STXBP5L: variants seen among roughly 807,000 people sequenced by gnomAD.
STXBP5L encodes the protein syntaxin-binding protein 5-like.
In STXBP5L, 65 loss-of-function variants were observed where a neutral mutation model predicts 144.5. That is an observed-to-expected ratio of 0.45 (90% CI 0.37 to 0.55). The LOEUF is 0.55. Ranked by LOEUF, STXBP5L falls within the 20% of genes least tolerant of loss-of-function variation. The probability of loss-of-function intolerance (pLI) is 0.00; values close to 1 mark genes in which losing one functional copy is unlikely to be tolerated. For synonymous variants in STXBP5L, 505 were observed against 469.6 expected (o/e 1.08, Z -0.97); for missense variants, 1,298 against 1,405.5 (o/e 0.92, Z 1.22).
At chr3:121,316,325 G>T (rs1376751987) in intron 19 of STXBP5L, among the ~76,000 whole-genome samples, 3 of 152,184 alleles carry the variant, frequency 2.0e-5, no homozygotes, top group Non-Finnish European at 4.4e-5. Context: ...TAGGGAAAAT[G>T]ACAGAATCAA....
chr3:121,033,919 T>C (rs1244894583), intron 3 of STXBP5L, among the ~76,000 whole-genome samples: 3 of 152,120 alleles, frequency 2.0e-5, no homozygotes, highest in Non-Finnish European at 4.4e-5. Flanking sequence ...GATCTTGAAA[T>C]ATTTTAACTC....
chr3:120,994,539 AGAT>A (rs1313248100), intron 3 of STXBP5L, among the ~76,000 whole-genome samples: 5 of 152,114 alleles, frequency 3.3e-5, no homozygotes, highest in African/African-American at 7.2e-5. Flanking sequence ...TTCTCTGTTT[AGAT>A]GATCATATGA....
chr3:121,065,191 G>C (rs980017518), intron 5 of STXBP5L, among the ~76,000 whole-genome samples: 1 of 151,918 alleles, frequency 6.6e-6, no homozygotes. Flanking sequence ...GAATACTGCT[G>C]TACTAAACAT....
intron 2 of STXBP5L, among the ~76,000 whole-genome samples, chr3:120,948,842 T>C (rs368956051): frequency 6.6e-6 from 1 of 152,038 alleles, no homozygotes; most frequent in South Asian, 2.1e-4. Context: ...TTTTCTGCGA[T>C]TGGAAATTGT....
In STXBP5L at chr3:121,055,993, T is replaced by G. The variant is rs185824788; in HGVS notation, c.470+10458T>G. Among the ~76,000 whole-genome samples the G allele has an allele frequency of 3.3e-5, 5 of 151,946 alleles. No homozygotes were observed. The East Asian group carries it at 7.8e-4, about 24-fold the overall frequency. On this transcript the variant is annotated intron_variant, in intron 5 of 26. Transcript: ENST00000471454. Reference sequence around the variant, plus strand: ...GAGGCATGAGCCACTGTGCTTGGCCTGGGGTCTCACTGTGTTGCCTAGGCT... The same window carrying G: ...GAGGCATGAGCCACTGTGCTTGGCCGGGGGTCTCACTGTGTTGCCTAGGCT...
At chr3:121,192,460 G>C (rs912610139) in intron 9 of STXBP5L, among the ~76,000 whole-genome samples, 1 of 151,886 alleles carries the variant, frequency 6.6e-6, no homozygotes, top group Admixed American at 6.6e-5. Flanking sequence ...TCACAGAATT[G>C]GAAAACACTA....
At chr3:121,091,988 A>G (rs946227997) in intron 5 of STXBP5L, among the ~76,000 whole-genome samples, 3 of 152,086 alleles carry the variant, frequency 2.0e-5, no homozygotes, top group East Asian at 1.9e-4. Flanking sequence ...TCAGCTTTCT[A>G]CATATGGCTA....
chr3:121,303,284 T>C (rs1055874241), intron 19 of STXBP5L, among the ~76,000 whole-genome samples: 6 of 151,940 alleles, frequency 3.9e-5, no homozygotes, highest in East Asian at 1.9e-4. Flanking sequence ...AAAATGCTCA[T>C]CATCACTGGC....
intron 6 of STXBP5L, among the ~76,000 whole-genome samples, chr3:121,116,807 AT>A (rs2044250579): frequency 6.6e-6 from 1 of 151,996 alleles, no homozygotes; most frequent in Admixed American, 6.6e-5. Flanking sequence ...AAAGGGCTGA[AT>A]TTTAATAGTT....
intron 5 of STXBP5L, among the ~76,000 whole-genome samples, chr3:121,052,851 T>A (rs567880676): frequency 6.6e-6 from 1 of 152,036 alleles, no homozygotes; most frequent in African/African-American, 2.4e-5. Flanking sequence ...AAAACCCCAT[T>A]GTCTCAGCCC....
chr3:121,045,640 A>G, intron 5 of STXBP5L, 105 bp downstream of exon 5: 2 of 980,446 alleles, frequency 2.0e-6, no homozygotes, highest in South Asian at 1.6e-5. Context: ...CTCAACAGCT[A>G]GAAATAATTT....
chr3:121,117,041 T>C (rs2044260146), intron 6 of STXBP5L, among the ~76,000 whole-genome samples: 1 of 151,970 alleles, frequency 6.6e-6, no homozygotes, highest in Non-Finnish European at 1.5e-5. Flanking sequence ...TATTCATTTA[T>C]GTAACAAATC....
intron 10 of STXBP5L, among the ~76,000 whole-genome samples, chr3:121,219,951 G>A (rs2048923747): frequency 6.6e-6 from 1 of 152,010 alleles, no homozygotes; most frequent in South Asian, 2.1e-4. Context: ...AACTTTTAAT[G>A]CTGTTTTCTG....
intron 20 of STXBP5L, among the ~76,000 whole-genome samples, chr3:121,327,562 T>C (rs183858385): frequency 8.9e-4 from 135 of 152,340 alleles, no homozygotes; most frequent in Middle Eastern, 3.4e-3. Flanking sequence ...TAACAATTAC[T>C]AGTTAATTCA....
intron 22 of STXBP5L, among the ~76,000 whole-genome samples, chr3:121,406,944 C>T (rs1448769384): frequency 6.6e-6 from 1 of 151,884 alleles, no homozygotes; most frequent in Non-Finnish European, 1.5e-5. Context: ...CTAATCTAGG[C>T]TGTGACCTAA....
rs766014739 is a variant in STXBP5L, at chr3:121,381,267, TG to T, written c.2348-24del. 150 of 1,469,422 alleles carry T rather than the reference TG, an allele frequency of 1.0e-4. 1 individual carries two copies. The highest frequency in any genetic ancestry group is 4.5e-4 in the South Asian group (36 of 79,282). 91.0% of individuals were successfully genotyped at this position (1,469,422 alleles called of 1,614,324 possible). On this transcript the variant is annotated intron_variant, in intron 21 of 26. Transcript: ENST00000471454. ...TGTGGAAATATACTAACAATTTGTGTGGTTTTTTTTTATTTATTTCCATAGA... is the reference window on the plus strand; with the variant it reads ...TGTGGAAATATACTAACAATTTGTGTGTTTTTTTTTATTTATTTCCATAGA...
chr3:121,418,334 C>T lies in STXBP5L; in HGVS notation c.3227-3C>T. On this transcript the variant is annotated splice_region_variant and splice_polypyrimidine_tract_variant and intron_variant, in intron 25 of 26. Coordinates refer to ENST00000471454, the MANE Select transcript of STXBP5L (RefSeq NM_001308330.2). ...TTTAAATTGCTATTGCATATATTCT[C>T]AGTTGGGGAAGCTTCGGCAGGAAAA... 1 of 1,612,196 alleles carries T rather than the reference C, an allele frequency of 6.2e-7. No homozygotes were observed. Among genetic ancestry groups the T allele is most frequent in the Non-Finnish European group, 8.5e-7 (1 of 1,178,946 alleles).
intron 20 of STXBP5L, among the ~76,000 whole-genome samples, chr3:121,333,719 G>GT (rs1300553782): frequency 3.9e-5 from 6 of 152,018 alleles, no homozygotes; most frequent in Admixed American, 6.6e-5. Flanking sequence ...AGAAATACAA[G>GT]TAACCAGCAG....
At chr3:121,418,288 T>C (rs2047284602) in intron 25 of STXBP5L, 49 bp from the exon 26 acceptor site, 2 of 1,553,334 alleles carry the variant, frequency 1.3e-6, no homozygotes, top group East Asian at 4.6e-5. Flanking sequence ...AGCTTGACTG[T>C]TTGAATTACT....
Sources: allele counts gnomAD v4.1 joint callset (sites outside exome capture counted in the v4.1 genomes callset), GRCh38; gene constraint gnomAD v4.1.1; transcripts MANE v1.5; gene names NCBI Gene and HGNC (gene_info 2026-07-23, HGNC 2026-07-21).